TMEM94: variants seen among roughly 807,000 people sequenced by gnomAD.
The protein encoded by TMEM94 is transmembrane protein 94.
A neutral mutation model predicts 158.6 loss-of-function variants in TMEM94; 81 were observed. The ratio of observed to expected loss-of-function variants is 0.51; its 90% CI spans 0.43 to 0.61. The LOEUF (loss-of-function observed/expected upper bound fraction) is 0.61, where lower values mean the gene tolerates loss of function less well. Ranked by LOEUF, TMEM94 falls within the 20% of genes least tolerant of loss-of-function variation. The pLI is 0.00. For synonymous variants in TMEM94, 751 were observed against 730.7 expected, an observed-to-expected ratio of 1.03 and a Z score of -0.45; for missense variants, 1,435 against 1,762.0, an observed-to-expected ratio of 0.81 and a Z score of 3.32.
In TMEM94 at chr17:75,468,193, A is replaced by G. The variant is rs547325729; in HGVS notation, c.-106-3607A>G. Among the ~76,000 whole-genome samples the G allele has an allele frequency of 7.6e-4, 115 of 152,300 alleles. 1 individual carries two copies. The highest frequency in any genetic ancestry group is 2.4e-3 in the Admixed American group (37 of 15,288). On this transcript the variant is annotated intron_variant, in intron 1 of 31. Coordinates refer to ENST00000314256, the MANE Select transcript of TMEM94 (RefSeq NM_014738.6). The stretch of plus-strand genomic sequence containing the variant: ...GCTAGGAGCAGAACTGGCCCTTTAA[A>G]GACCCTGCTACGGGTTTCAGATCAG...
chr17:75,480,684 C>G (rs1348814406), intron 2 of TMEM94, among the ~76,000 whole-genome samples: 1 of 152,244 alleles, frequency 6.6e-6, no homozygotes, highest in East Asian at 1.9e-4. Flanking sequence ...TTAGCCTTTT[C>G]TCTGCCTTGC....
intron 2 of TMEM94, chr17:75,476,429 C>T (rs2050694036): frequency 1.8e-6 from 2 of 1,134,256 alleles, no homozygotes; most frequent in Non-Finnish European, 1.2e-6. Flanking sequence ...TTCTCCCCTC[C>T]CTCCCGCCCT....
At chr17:75,464,480 TCAAACAAA>T (rs10591408) in intron 1 of TMEM94, among the ~76,000 whole-genome samples, 1 of 151,402 alleles carries the variant, frequency 6.6e-6, no homozygotes, top group African/African-American at 2.4e-5. Context: ...AGGCCTTGTC[TCAAACAAA>T]CAAACAAACA....
At position 75,489,668 on chromosome 17, in the gene TMEM94, G is replaced by A. The variant is rs1236443557; in HGVS notation, c.954+6G>A. On this transcript the variant is annotated splice_donor_region_variant and intron_variant, in intron 9 of 31. Transcript: ENST00000314256. The surrounding 1 kb of genome is among the most constrained non-coding windows in gnomAD (Gnocchi z 5.0). The stretch of plus-strand genomic sequence containing the variant: ...ACACCCTCCTCCAGCTCCAGGCAAG[G>A]ACCACCCTGTCCTCTCTGTCATGCT... The A allele has an allele frequency of 6.2e-7, 1 of 1,610,442 alleles. No individual in the cohort carries two copies. The highest frequency in any genetic ancestry group is 2.2e-5 in the East Asian group (1 of 44,876).
intron 25 of TMEM94, 26 bp downstream of exon 25, chr17:75,496,833 G>GC: frequency 1.2e-6 from 2 of 1,603,428 alleles, no homozygotes; most frequent in Non-Finnish European, 1.7e-6. Flanking sequence ...CACAGGCATT[G>GC]CCCCCGTGCC....
rs555229770 is a variant in TMEM94 at position 75,488,926 on chromosome 17, C to G, written c.764+16C>G. 6.5e-7 allele frequency: 1 copy of G among 1,544,742 alleles called. No homozygotes were observed. The highest frequency in any genetic ancestry group is 8.7e-7 in the Non-Finnish European group (1 of 1,143,616). On this transcript the variant is annotated intron_variant, in intron 7 of 31. Coordinates refer to ENST00000314256, the MANE Select transcript of TMEM94 (RefSeq NM_014738.6). ...ACAACATCAGGTAGGGGTGCTGCCC[C>G]GCCTCCTCCTGTCCCTGGTGTCTTC...
Position 75,498,611 on chromosome 17 carries a change from T to C in TMEM94, c.3734-18T>C, listed in dbSNP as rs1164458649. 1 of 1,612,398 alleles carries C rather than the reference T, an allele frequency of 6.2e-7. No individual in the cohort carries two copies. On this transcript the variant is annotated intron_variant, in intron 29 of 31. Coordinates refer to ENST00000314256, the MANE Select transcript of TMEM94 (RefSeq NM_014738.6). The surrounding 1 kb of genome is among the most constrained non-coding windows in gnomAD (Gnocchi z 6.7). ...CCACTGTGGAAGTCTGACCCCCACATCGCCCCACCTTCCCCAGTCTTCATT... is the reference window on the plus strand; with the variant it reads ...CCACTGTGGAAGTCTGACCCCCACACCGCCCCACCTTCCCCAGTCTTCATT...
Position 75,464,104 on chromosome 17 carries a change from TC to T in TMEM94, c.-107+7354del, listed in dbSNP as rs2050202331. On this transcript the variant is annotated intron_variant, in intron 1 of 31. Coordinates refer to ENST00000314256, the MANE Select transcript of TMEM94 (RefSeq NM_014738.6). ...CCTGAGCCTTGGGCTCCCACTTAGT[TC>T]TTTTTGACCTTGTTTCTGAGCTTGG... 3.3e-5 allele frequency among the ~76,000 whole-genome samples: 5 copies of T among 152,164 alleles called. No homozygotes were observed. In the South Asian group the frequency reaches 1.0e-3, roughly 32 times the overall value.
In TMEM94 at chr17:75,491,631, T is replaced by C. The variant is rs998184490; in HGVS notation, c.1387-60T>C. 61 of 1,577,500 alleles carry C rather than the reference T, an allele frequency of 3.9e-5. No homozygotes were observed. The highest frequency in any genetic ancestry group is 2.7e-5 in the Non-Finnish European group (31 of 1,152,052). On this transcript the variant is annotated intron_variant, in intron 13 of 31. Transcript: ENST00000314256. The surrounding 1 kb of genome is among the most constrained non-coding windows in gnomAD (Gnocchi z 5.1). ...AAGGCAGCCAGGGGACCTAGAAGCA[T>C]CCTGCCTCCCCAGGCCATGGGAGCC...
chr17:75,460,993 C>T lies in TMEM94; in HGVS notation c.-107+4242C>T, dbSNP rs749899704. On this transcript the variant is annotated intron_variant, in intron 1 of 31. Coordinates refer to ENST00000314256, the MANE Select transcript of TMEM94 (RefSeq NM_014738.6). ...ACTCCCCATTTCCCCCCTGCTCCCA[C>T]CCCCGGCAACCATCTTTCTACTTTC... is the stretch of plus-strand genomic sequence containing the variant. 1.1e-4 allele frequency among the ~76,000 whole-genome samples: 16 copies of T among 151,978 alleles called. No homozygotes were observed. In the South Asian group the frequency reaches 1.2e-3, roughly 12 times the overall value.
At chr17:75,481,489 G>A (rs1409654449) in intron 2 of TMEM94, among the ~76,000 whole-genome samples, 1 of 152,216 alleles carries the variant, frequency 6.6e-6, no homozygotes, top group Non-Finnish European at 1.5e-5. Flanking sequence ...CTCCTGTGAT[G>A]CCAGGCTGTG....
chr17:75,485,329 G>A lies in TMEM94; in HGVS notation c.25-99G>A. On this transcript the variant is annotated intron_variant, in intron 2 of 31. Transcript: ENST00000314256. This position sits in a 1 kb window ranked among gnomAD's most constrained non-coding sequence, Gnocchi z 5.5. Reference sequence around the variant, plus strand: ...AAGAGATGTGAGGATCCCAGAGGAGGGGAAGGATGAAGGGCCAGGGAAGGG... The same window carrying A: ...AAGAGATGTGAGGATCCCAGAGGAGAGGAAGGATGAAGGGCCAGGGAAGGG... 7.2e-7 allele frequency: 1 copy of A among 1,385,428 alleles called. No individual in the cohort carries two copies. The highest frequency in any genetic ancestry group is 9.9e-7 in the Non-Finnish European group (1 of 1,009,446). 85.8% of individuals were successfully genotyped at this position (1,385,428 alleles called of 1,614,324 possible). A position where few individuals can be genotyped will look rare whatever the true frequency, so the allele number is the denominator to read the frequency against.
chr17:75,494,956 A>G lies in TMEM94; in HGVS notation c.2650A>G (p.Asn884Asp), dbSNP rs1262101775. The change falls in exon 20 of 32, where the codon AAT (asparagine) becomes GAT (aspartate). Residue 884 changes from asparagine to aspartate, a missense_variant. Transcript: ENST00000314256. Reference sequence around the variant, plus strand: ...GAACTGCCACATCTCCCTCACACCCAATGGTGACATGCCTGGCTCCGAGAT... The same window carrying G: ...GAACTGCCACATCTCCCTCACACCCGATGGTGACATGCCTGGCTCCGAGAT... ...GWNCHISLTPNGDMPGSEIPP... is the reference protein window; with the variant it reads ...GWNCHISLTPDGDMPGSEIPP... 4.3e-6 allele frequency: 7 copies of G among 1,613,270 alleles called. No individual in the cohort carries two copies. The highest frequency in any genetic ancestry group is 1.3e-5 in the African/African-American group (1 of 74,890).
In TMEM94 at chr17:75,485,955, G is replaced by GTGC. The variant is rs771239023; in HGVS notation, c.241_243dup (p.Leu81dup). 4.3e-6 allele frequency: 7 copies of GTGC among 1,613,150 alleles called. No individual in the cohort carries two copies. In the African/African-American group the frequency reaches 8.0e-5, roughly 18 times the overall value. On this transcript the variant is annotated inframe_insertion, in exon 4 of 32. Coordinates refer to ENST00000314256, the MANE Select transcript of TMEM94 (RefSeq NM_014738.6). This position sits in a 1 kb window ranked among gnomAD's most constrained non-coding sequence, Gnocchi z 5.5. ...GGGGGCCTCACTCATGCTACTGGCC[G>GTGC]TGCTGCTGCTGCTGGGCTGCTGCGG...
chr17:75,492,967 A>C lies in TMEM94; in HGVS notation c.1951A>C (p.Asn651His). The change falls in exon 16 of 32, where the codon AAC becomes CAC. Residue 651 changes from asparagine (N) to histidine (H), a missense_variant. Physicochemically the swap from Asn to His is moderately conservative, Grantham distance 68. Around this residue, in one of 3 missense-constraint regions of TMEM94, gnomAD observed 1,051 missense variants for 1,254.4 expected, o/e 0.84. Transcript: ENST00000314256. This position sits in a 1 kb window ranked among gnomAD's most constrained non-coding sequence, Gnocchi z 4.4. Reference sequence around the variant, plus strand: ...GGCCAAGGAGCTTTTCAAGCAGGAGAACCATCTGGCGCTGTACCGCCTCCC... The same window carrying C: ...GGCCAAGGAGCTTTTCAAGCAGGAGCACCATCTGGCGCTGTACCGCCTCCC... ...PGAKELFKQE[N>H]HLALYRLPSA... The C allele has an allele frequency of 2.5e-6, 4 of 1,613,602 alleles. No homozygotes were observed. The African/African-American group carries it at 4.0e-5, about 16-fold the overall frequency.
intron 25 of TMEM94, 109 bp from the exon 26 acceptor site, chr17:75,497,004 G>T: frequency 9.1e-7 from 1 of 1,095,210 alleles, no homozygotes; most frequent in Non-Finnish European, 1.4e-6. Context: ...GTTCCCTCTG[G>T]CAGGATGTGA....
chr17:75,489,434 CAG>C lies in TMEM94; in HGVS notation c.867+67_867+68del. 1 of 1,529,390 alleles carries C rather than the reference CAG, an allele frequency of 6.5e-7. No individual in the cohort carries two copies. Among genetic ancestry groups the C allele is most frequent in the South Asian group, 1.1e-5 (1 of 89,286 alleles). The allele number at this position is 1,529,390 out of a possible 1,614,324, so 94.7% of individuals were successfully genotyped here. ...GAGAGGGCTGGACACGGGGGGGTCT[CAG>C]GGCCACTCACATGAGCGGGAGTGAA... On this transcript the variant is annotated intron_variant, in intron 8 of 31. Coordinates refer to ENST00000314256, the MANE Select transcript of TMEM94 (RefSeq NM_014738.6). The surrounding 1 kb of genome is among the most constrained non-coding windows in gnomAD (Gnocchi z 5.0).
Position 75,485,493 on chromosome 17 carries a change from G to T in TMEM94, c.90G>T (p.Leu30=). ...RKALSVLKEQ[L]EAVLEGHLRE... is the part of the protein sequence containing the mutation. The stretch of plus-strand genomic sequence containing the variant: ...CCCTCAGCGTCCTGAAGGAGCAGCT[G>T]GAGGCAGTGCTGGAAGGACATCTCA... The change falls in exon 3 of 32, where the codon CTG becomes CTT. Residue 30 remains leucine (L), a synonymous_variant. Transcript: ENST00000314256. The surrounding 1 kb of genome is among the most constrained non-coding windows in gnomAD (Gnocchi z 5.5). 1 of 1,614,230 alleles carries T rather than the reference G, an allele frequency of 6.2e-7. No individual in the cohort carries two copies. The highest frequency in any genetic ancestry group is 1.1e-5 in the South Asian group (1 of 91,082).
chr17:75,460,497 C>T (rs907921395), intron 1 of TMEM94, among the ~76,000 whole-genome samples: 1 of 150,966 alleles, frequency 6.6e-6, no homozygotes, highest in East Asian at 1.9e-4. Flanking sequence ...ATTGCAAAAT[C>T]AGAATCAGGA....
Sources: allele counts gnomAD v4.1 joint callset (sites outside exome capture counted in the v4.1 genomes callset), GRCh38; gene constraint gnomAD v4.1.1; regional missense constraint gnomAD v4.1.1; non-coding constraint Gnocchi (gnomAD v3.1); transcripts MANE v1.5; gene names NCBI Gene and HGNC (gene_info 2026-07-23, HGNC 2026-07-21).